The following NDST4 variants were observed in gnomAD, a reference collection of about 807,000 sequenced individuals.
The protein encoded by NDST4 is N-deacetylase and N-sulfotransferase 4.
In NDST4, 63 loss-of-function variants were observed where a neutral mutation model predicts 100.8. The observed-to-expected ratio is 0.62, with a 90% CI of 0.51 to 0.77. The LOEUF is 0.77. Among genes scored for constraint, NDST4 ranks in the 30% least tolerant of loss-of-function variants. The probability of loss-of-function intolerance (pLI) is 0.00; values close to 1 mark genes in which losing one functional copy is unlikely to be tolerated. For missense variants in NDST4, 943 were observed against 1,018.4 expected, an observed-to-expected ratio of 0.93 and a Z score of 1.01; for synonymous variants, 377 against 361.8, an observed-to-expected ratio of 1.04 and a Z score of -0.48.
intron 4 of NDST4, among the ~76,000 whole-genome samples, chr4:114,945,104 T>G (rs780785184): frequency 4.7e-5 from 7 of 148,966 alleles, no homozygotes; most frequent in Middle Eastern, 3.6e-3. Flanking sequence ...AGCTACTTGG[T>G]AGGCTGAAGC....
At position 115,103,615 on chromosome 4, in the gene NDST4, GGAT is replaced by G. The variant is rs745550641; in HGVS notation, c.-247+9826_-247+9828del. Among the ~76,000 whole-genome samples the G allele has an allele frequency of 1.6e-3, 242 of 152,156 alleles. 1 individual carries two copies. The highest frequency in any genetic ancestry group is 3.1e-3 in the Non-Finnish European group (210 of 67,966). Reference sequence around the variant, plus strand: ...ATTTTACGCAACACACAAAATGATTGGATTATTCTTTATCATAAGAGGCATACT... The same window carrying G: ...ATTTTACGCAACACACAAAATGATTGTATTCTTTATCATAAGAGGCATACT... On this transcript the variant is annotated intron_variant, in intron 1 of 13. Coordinates refer to ENST00000264363, the MANE Select transcript of NDST4 (RefSeq NM_022569.3).
intron 10 of NDST4, chr4:114,842,619 A>G (rs1342199641): frequency 6.8e-5 from 1 of 14,630 alleles, no homozygotes; most frequent in African/African-American, 3.5e-4. Context: ...AGTCTCTACT[A>G]AAAAAAAAAA....
intron 4 of NDST4, among the ~76,000 whole-genome samples, chr4:114,968,688 T>C (rs1726438172): frequency 6.6e-6 from 1 of 152,222 alleles, no homozygotes; most frequent in Non-Finnish European, 1.5e-5. Flanking sequence ...AATTTTTACA[T>C]GCCACAAAAT....
At chr4:114,878,126 AG>A (rs966405621) in intron 6 of NDST4, among the ~76,000 whole-genome samples, 54 of 152,182 alleles carry the variant, frequency 3.5e-4, no homozygotes, top group African/African-American at 1.3e-3. Context: ...AGTAGTAAAA[AG>A]GTTAGGCTAC....
At chr4:114,889,874 C>G (rs564674174) in intron 6 of NDST4, among the ~76,000 whole-genome samples, 3 of 152,248 alleles carry the variant, frequency 2.0e-5, no homozygotes, top group South Asian at 4.1e-4. Flanking sequence ...GAAAATGATA[C>G]AGTCATAACT....
At chr4:114,984,044 T>G (rs1726841661) in intron 2 of NDST4, among the ~76,000 whole-genome samples, 1 of 152,188 alleles carries the variant, frequency 6.6e-6, no homozygotes. Context: ...TTTCATGAGG[T>G]CTTCCCAGCC....
At chr4:114,989,074 A>G (rs1726979998) in intron 2 of NDST4, among the ~76,000 whole-genome samples, 1 of 152,164 alleles carries the variant, frequency 6.6e-6, no homozygotes, top group Non-Finnish European at 1.5e-5. Context: ...AGCCCTATTT[A>G]AAGTCTAATT....
At chr4:114,967,230 T>G (rs1161695846) in intron 4 of NDST4, among the ~76,000 whole-genome samples, 1 of 152,130 alleles carries the variant, frequency 6.6e-6, no homozygotes, top group Admixed American at 6.5e-5. Flanking sequence ...TTTATTGAGC[T>G]GAACTCCAGA....
chr4:114,837,424 C>T (rs1238469438), intron 11 of NDST4, among the ~76,000 whole-genome samples: 1 of 152,092 alleles, frequency 6.6e-6, no homozygotes, highest in Non-Finnish European at 1.5e-5. Context: ...TGACTTCAAA[C>T]TATAGTACAA....
In NDST4 at chr4:114,961,086, T is replaced by C. The variant is rs1726252709; in HGVS notation, c.1221+9344A>G. Among the ~76,000 whole-genome samples the C allele has an allele frequency of 2.0e-5, 3 of 152,008 alleles. No individual in the cohort carries two copies. The South Asian group carries it at 6.2e-4, about 31-fold the overall frequency. On this transcript the variant is annotated intron_variant, in intron 4 of 13. Transcript: ENST00000264363. The stretch of plus-strand genomic sequence containing the variant: ...AAAAAGATTCTGAGAAGTTAAAATG[T>C]ATATTGAAACTCTTAAGCAGCCACT...
chr4:115,057,416 A>C (rs946698347), intron 2 of NDST4, among the ~76,000 whole-genome samples: 5 of 152,030 alleles, frequency 3.3e-5, no homozygotes, highest in Non-Finnish European at 7.4e-5. Flanking sequence ...GGGAAGGGGA[A>C]GAGAAGAAGA....
Position 115,010,339 on chromosome 4 carries a change from T to C in NDST4, c.979-33065A>G, listed in dbSNP as rs1304383639. ...AAGAAAATGTGGCACATATACACCA[T>C]GGAATACTATGCAGCCATAAAAAAG... On this transcript the variant is annotated intron_variant, in intron 2 of 13. Transcript: ENST00000264363. Among the ~76,000 whole-genome samples the C allele has an allele frequency of 2.3e-5, 3 of 127,814 alleles. 1 individual carries two copies. Among genetic ancestry groups the C allele is most frequent in the Non-Finnish European group, 5.0e-5 (3 of 59,858 alleles). The allele number at this position is 127,814 out of a possible 152,430, so 83.9% of individuals were successfully genotyped here.
chr4:115,100,691 G>T (rs977566770), intron 1 of NDST4, among the ~76,000 whole-genome samples: 2 of 151,896 alleles, frequency 1.3e-5, no homozygotes, highest in African/African-American at 2.4e-5. Context: ...AAGACAAAAT[G>T]ACACTTCTAA....
intron 7 of NDST4, among the ~76,000 whole-genome samples, chr4:114,859,419 C>A (rs908131294): frequency 1.3e-5 from 2 of 152,128 alleles, no homozygotes; most frequent in Admixed American, 6.5e-5. Context: ...TTTCCCCAGG[C>A]AGGAAGTTTA....
chr4:114,935,467 A>G, intron 5 of NDST4, 133 bp from the exon 6 acceptor site: 1 of 751,692 alleles, frequency 1.3e-6, no homozygotes, highest in Non-Finnish European at 1.9e-6. Context: ...AAATCTTATT[A>G]TAATCACAAG....
At chr4:114,911,376 C>A (rs569579473) in intron 6 of NDST4, among the ~76,000 whole-genome samples, 383 of 152,282 alleles carry the variant, frequency 2.5e-3, no homozygotes, top group Non-Finnish European at 4.0e-3. Context: ...TTAATGAATG[C>A]CTCATTACTT....
chr4:114,869,728 T>G (rs550379189), intron 7 of NDST4, among the ~76,000 whole-genome samples: 1 of 152,242 alleles, frequency 6.6e-6, no homozygotes, highest in African/African-American at 2.4e-5. Context: ...AAACACATTT[T>G]TGAAATGTAT....
chr4:114,924,324 T>C (rs1725345408), intron 6 of NDST4, among the ~76,000 whole-genome samples: 1 of 152,052 alleles, frequency 6.6e-6, no homozygotes, highest in African/African-American at 2.4e-5. Context: ...AGTCCATGGA[T>C]CTTAGCTGAC....
intron 2 of NDST4, among the ~76,000 whole-genome samples, chr4:114,986,832 A>ATATATATATATATATATTTTTTTTT: frequency 5.3e-5 from 5 of 94,660 alleles, no homozygotes; most frequent in Non-Finnish European, 1.1e-4. Context: ...ATATATATAT[A>ATATATATATATATATATTTTTTTTT]TTTTAATATA....
Sources: gnomAD v4.1 joint callset for allele counts (sites outside exome capture counted in the v4.1 genomes callset) on GRCh38, gnomAD v4.1.1 for gene constraint, MANE v1.5 for transcripts, NCBI Gene and HGNC (gene_info 2026-07-23, HGNC 2026-07-21) for gene names.